Variants in PIGB observed in about 807,000 individuals in gnomAD.
PIGB encodes the protein GPI alpha-1,2-mannosyltransferase 3.
PIGB carries 58 observed loss-of-function variants against 68.4 expected under a neutral mutation model. The observed-to-expected ratio is 0.85, with a 90% CI of 0.69 to 1.06. PIGB has a LOEUF of 1.06. PIGB is among the 50% of genes least tolerant of loss of function. PIGB has a pLI of 0.00. For synonymous variants in PIGB, 219 were observed against 220.5 expected (o/e 0.99, Z 0.06); for missense variants, 634 against 655.8 (o/e 0.97, Z 0.36).
rs994765293 is a variant in PIGB, at chr15:55,326,232, A to AT, written c.418-1299_418-1298insT. Among the ~76,000 whole-genome samples, 448 of 151,720 alleles carry AT rather than the reference A, an allele frequency of 3.0e-3. 3 individuals carry two copies. Among genetic ancestry groups the AT allele is most frequent in the African/African-American group, 0.01 (419 of 41,428 alleles). On this transcript the variant is annotated intron_variant, in intron 3 of 11. Coordinates refer to ENST00000164305, the MANE Select transcript of PIGB (RefSeq NM_004855.5). The stretch of plus-strand genomic sequence containing the variant: ...AAGACTCCGTCTCAAAAAAAAAAAA[A>AT]GTATTTCTTATTATCTTATTTTATA...
intron 3 of PIGB, among the ~76,000 whole-genome samples, chr15:55,324,383 T>C (rs2055232875): frequency 1.3e-5 from 2 of 152,162 alleles, no homozygotes; most frequent in Non-Finnish European, 2.9e-5. Context: ...ACATGGAAAA[T>C]TATGGCATCA....
chr15:55,348,902 G>A (rs1279947030), intron 9 of PIGB, among the ~76,000 whole-genome samples: 2 of 152,196 alleles, frequency 1.3e-5, no homozygotes, highest in Non-Finnish European at 2.9e-5. Flanking sequence ...GGGATCTGCT[G>A]TGTCTGTGAT....
intron 10 of PIGB, among the ~76,000 whole-genome samples, chr15:55,353,709 A>T (rs1020569238): frequency 1.3e-5 from 2 of 152,064 alleles, no homozygotes; most frequent in Admixed American, 6.6e-5. Context: ...GGTTCAAGAA[A>T]TTGTCCTGCC....
chr15:55,338,797 AG>A (rs767496249), intron 6 of PIGB, among the ~76,000 whole-genome samples: 2 of 152,214 alleles, frequency 1.3e-5, no homozygotes, highest in Non-Finnish European at 2.9e-5. Context: ...TGAGGAACTT[AG>A]CCCCACCAGC....
At chr15:55,334,091 T>A in intron 6 of PIGB, 84 bp downstream of exon 6, 1 of 936,044 alleles carries the variant, frequency 1.1e-6, no homozygotes, top group Non-Finnish European at 1.5e-6. Context: ...TTTCAGTTAA[T>A]TATTTTATCT....
chr15:55,327,505 C>T (rs2055320345), intron 3 of PIGB, 26 bp from the exon 4 acceptor site: 1 of 1,434,072 alleles, frequency 7.0e-7, no homozygotes, highest in Non-Finnish European at 9.7e-7. Flanking sequence ...TTTTTAACAT[C>T]CTGTTCTTCT....
In PIGB at chr15:55,348,550, T is replaced by C. The variant is rs112192034; in HGVS notation, c.1124-2149T>C. On this transcript the variant is annotated intron_variant, in intron 9 of 11. Transcript: ENST00000164305. ...TGGAGTAGTAAGTGAGTTCTCCTTA[T>C]ATTAGGTTCCATGAGAGTTCCCCCG... 551 of 153,828 alleles carry C rather than the reference T, an allele frequency of 3.6e-3. 3 individuals carry two copies. The highest frequency in any genetic ancestry group is 5.1e-3 in the Non-Finnish European group (354 of 69,294). The allele number at this position is 153,828 out of a possible 1,614,324, so 9.5% of individuals were successfully genotyped here.
At chr15:55,331,533 G>A (rs948975006) in intron 5 of PIGB, among the ~76,000 whole-genome samples, 2 of 152,014 alleles carry the variant, frequency 1.3e-5, no homozygotes, top group African/African-American at 4.8e-5. Flanking sequence ...GGCCAACATG[G>A]TGAAACCCCG....
In PIGB at chr15:55,337,561, C is replaced by T. The variant is rs143357216; in HGVS notation, c.795-1706C>T. 3.5e-3 allele frequency among the ~76,000 whole-genome samples: 538 copies of T among 152,288 alleles called. 4 individuals are homozygous for T. Among genetic ancestry groups the T allele is most frequent in the African/African-American group, 0.012 (509 of 41,558 alleles). On this transcript the variant is annotated intron_variant, in intron 6 of 11. Transcript: ENST00000164305. ...AGGTGGAACAGTTTCATCCAGAAACCATGCCCCACTCCCACCCCCGCAACC... is the reference window on the plus strand; with the variant it reads ...AGGTGGAACAGTTTCATCCAGAAACTATGCCCCACTCCCACCCCCGCAACC...
At chr15:55,327,093 C>G (rs115124656) in intron 3 of PIGB, among the ~76,000 whole-genome samples, 1 of 150,972 alleles carries the variant, frequency 6.6e-6, no homozygotes, top group Non-Finnish European at 1.5e-5. Flanking sequence ...AGAGTGAGAC[C>G]CTGTCAATCA....
chr15:55,352,067 G>T (rs12101327), intron 10 of PIGB, among the ~76,000 whole-genome samples: 27,255 of 150,002 alleles, frequency 0.18, 4,311 homozygotes, highest in African/African-American at 0.43. Context: ...TCCTGCCTCA[G>T]CCTCCTGAGT....
Position 55,333,877 on chromosome 15 carries a change from T to C in PIGB, c.664T>C (p.Ser222Pro). Reference protein sequence around the residue: ...GSKSMNSVKYSSLVALAFIIR... With the variant: ...GSKSMNSVKYPSLVALAFIIR... ...ATTTTCCTCTTATAGTGTCAAATAC[T>C]CATCCCTGGTGGCACTTGCCTTCAT... Residue 222 changes from serine to proline, a missense_variant, in exon 6 of 12, where the codon TCA (serine) becomes CCA (proline). Transcript: ENST00000164305. 6.3e-7 allele frequency: 1 copy of C among 1,599,984 alleles called. No individual in the cohort carries two copies.
At chr15:55,335,781 T>C (rs1319899879) in intron 6 of PIGB, among the ~76,000 whole-genome samples, 1 of 152,118 alleles carries the variant, frequency 6.6e-6, no homozygotes, top group Non-Finnish European at 1.5e-5. Context: ...GCTGGGCATG[T>C]TCAAGGAACA....
chr15:55,335,280 G>C (rs1233766540), intron 6 of PIGB, among the ~76,000 whole-genome samples: 1 of 152,184 alleles, frequency 6.6e-6, no homozygotes, highest in East Asian at 1.9e-4. Context: ...GTATTCACTA[G>C]TCACAAGTAT....
At chr15:55,328,926 G>A (rs1368800146) in intron 4 of PIGB, among the ~76,000 whole-genome samples, 1 of 151,980 alleles carries the variant, frequency 6.6e-6, no homozygotes, top group African/African-American at 2.4e-5. Context: ...CTCTAACCTG[G>A]GTGACAGAGC....
At chr15:55,347,278 TA>T (rs2055815728) in intron 9 of PIGB, among the ~76,000 whole-genome samples, 2 of 152,162 alleles carry the variant, frequency 1.3e-5, no homozygotes, top group South Asian at 4.2e-4. Context: ...ATACAAAAAT[TA>T]GCCGGGCATG....
At chr15:55,327,474 T>C (rs1225696605) in intron 3 of PIGB, 57 bp from the exon 4 acceptor site, 1 of 1,134,850 alleles carries the variant, frequency 8.8e-7, no homozygotes, top group African/African-American at 1.6e-5. Context: ...TTTATCATAA[T>C]TCAGTTTGAA....
At chr15:55,353,168 C>A (rs2055960871) in intron 10 of PIGB, among the ~76,000 whole-genome samples, 2 of 152,152 alleles carry the variant, frequency 1.3e-5, no homozygotes, top group South Asian at 4.1e-4. Context: ...GAATAGTTCA[C>A]CAAGTTCTCC....
intron 3 of PIGB, among the ~76,000 whole-genome samples, chr15:55,327,205 CAT>C (rs1266671503): frequency 2.4e-5 from 3 of 123,458 alleles, no homozygotes; most frequent in South Asian, 2.5e-4. Flanking sequence ...TGGTAAATAT[CAT>C]ATTTATATAT....
Sources: gnomAD v4.1 joint callset for allele counts (sites outside exome capture counted in the v4.1 genomes callset) on GRCh38, gnomAD v4.1.1 for gene constraint, MANE v1.5 for transcripts, NCBI Gene and HGNC (gene_info 2026-07-23, HGNC 2026-07-21) for gene names.